LRP2: variants seen among roughly 807,000 people sequenced by gnomAD.
LRP2 encodes LDL receptor related protein 2.
LRP2 carries 172 observed loss-of-function variants against 531.0 expected under a neutral mutation model. The observed-to-expected ratio is 0.32, with a 90% confidence interval of 0.29 to 0.37. The LOEUF is 0.37. LRP2 is among the 10% of genes least tolerant of loss of function. The pLI, the probability that LRP2 is intolerant of heterozygous loss-of-function variation, is 1.00. For missense variants in LRP2, 5,167 were observed against 5,868.3 expected (o/e 0.88, Z 3.90); for synonymous variants, 1,992 against 2,027.6 (o/e 0.98, Z 0.47).
chr2:169,211,409 C>T (rs1421697947), intron 37 of LRP2, among the ~76,000 whole-genome samples: 9 of 152,298 alleles, frequency 5.9e-5, no homozygotes, highest in Non-Finnish European at 7.3e-5. Context: ...GCACAAAGTG[C>T]TGCAAAAATA....
intron 28 of LRP2, 115 bp downstream of exon 28, chr2:169,236,988 G>T: frequency 1.2e-6 from 1 of 849,304 alleles, no homozygotes; most frequent in East Asian, 2.5e-5. Flanking sequence ...TTTAAACAAG[G>T]GATCATTTTA....
intron 70 of LRP2, among the ~76,000 whole-genome samples, chr2:169,143,094 C>A (rs1340018793): frequency 6.6e-6 from 1 of 152,170 alleles, no homozygotes; most frequent in African/African-American, 2.4e-5. Flanking sequence ...GGTTCACTGC[C>A]TAACCTCAAA....
At chr2:169,304,849 T>C (rs1405115774) in intron 4 of LRP2, among the ~76,000 whole-genome samples, 1 of 152,112 alleles carries the variant, frequency 6.6e-6, no homozygotes, top group Non-Finnish European at 1.5e-5. Flanking sequence ...ATAAAGAAAA[T>C]GTAGCATATA....
rs1416018320 is a variant in LRP2, at chr2:169,170,606, T to C, written c.11325A>G (p.Arg3775=). Residue 3775 remains arginine, a synonymous_variant, in exon 59 of 79, where the codon CGA becomes CGG. Coordinates refer to ENST00000649046, the MANE Select transcript of LRP2 (RefSeq NM_004525.3). ...RCVNQQCIPS[R]WICDHYNDCG... ...AGTCGTTGTAATGGTCACAGATCCA[T>C]CGCGAGGGAATGCACTGCTGATTGA... is the stretch of plus-strand genomic sequence containing the variant. 1.1e-5 allele frequency: 18 copies of C among 1,613,740 alleles called. No homozygotes were observed. The highest frequency in any genetic ancestry group is 1.3e-5 in the Non-Finnish European group (15 of 1,179,886).
intron 38 of LRP2, among the ~76,000 whole-genome samples, chr2:169,209,053 T>A (rs1036529084): frequency 6.6e-6 from 1 of 152,188 alleles, no homozygotes; most frequent in Non-Finnish European, 1.5e-5. Context: ...GCAACTAAAA[T>A]TGCTCAGCTT....
intron 74 of LRP2, 108 bp from the exon 75 acceptor site, chr2:169,138,814 T>G (rs1473588918): frequency 7.9e-7 from 1 of 1,259,158 alleles, no homozygotes; most frequent in African/African-American, 1.5e-5. Context: ...TGCCAAATCT[T>G]CCTCAAATGT....
chr2:169,170,478 A>T (rs1302922128), intron 59 of LRP2, 73 bp downstream of exon 59: 1 of 1,172,720 alleles, frequency 8.5e-7, no homozygotes, highest in Non-Finnish European at 1.3e-6. Flanking sequence ...TAAAAGCCTT[A>T]TAAACACTAA....
At chr2:169,240,086 G>A (rs1280124122) in intron 25 of LRP2, among the ~76,000 whole-genome samples, 1 of 151,008 alleles carries the variant, frequency 6.6e-6, no homozygotes, top group African/African-American at 2.4e-5. Flanking sequence ...GAAGAAAAGT[G>A]TCATTGATAG....
chr2:169,137,317 A>G, intron 76 of LRP2, 75 bp downstream of exon 76: 1 of 1,104,834 alleles, frequency 9.1e-7, no homozygotes, highest in African/African-American at 1.5e-5. Flanking sequence ...GGTTAGGAAA[A>G]TCCTAAGACA....
At chr2:169,358,241 A>G (rs1686044280) in intron 1 of LRP2, among the ~76,000 whole-genome samples, 1 of 152,212 alleles carries the variant, frequency 6.6e-6, no homozygotes, top group African/African-American at 2.4e-5. Flanking sequence ...CTGCAAATTT[A>G]TATCTTAGCT....
Position 169,246,816 on chromosome 2 carries a change from C to A in LRP2, c.3079G>T (p.Gly1027Cys), listed in dbSNP as rs1324515118. The A allele has an allele frequency of 6.2e-7, 1 of 1,614,002 alleles. No homozygotes were observed. Among genetic ancestry groups the A allele is most frequent in the Non-Finnish European group, 8.5e-7 (1 of 1,180,040 alleles). The change falls in exon 21 of 79, where the codon GGC (glycine) becomes TGC (cysteine). Residue 1027 changes from glycine (G) to cysteine (C), a missense_variant. Physicochemically the swap from Gly to Cys is radical, Grantham distance 159. Around this residue, in one of 6 missense-constraint regions of LRP2, gnomAD observed 2,811 missense variants for 3,058.0 expected, o/e 0.92. Transcript: ENST00000649046. ...TTTTTACAGGGGAAGGAAAATAAGC[C>A]ACACTGCTCTGTGGGTGGTTCATTG... ...PTNEPPTEQC[G>C]LFSFPCKNGR...
At chr2:169,140,806 T>C (rs955667098) in intron 71 of LRP2, among the ~76,000 whole-genome samples, 2 of 152,222 alleles carry the variant, frequency 1.3e-5, no homozygotes, top group Non-Finnish European at 2.9e-5. Context: ...GGAGCACATA[T>C]ATTAATAGTT....
intron 72 of LRP2, among the ~76,000 whole-genome samples, chr2:169,140,009 T>C (rs1685662191): frequency 6.6e-6 from 1 of 152,250 alleles, no homozygotes; most frequent in African/African-American, 2.4e-5. Flanking sequence ...CACAGTCATC[T>C]TCTTTCCGAA....
intron 4 of LRP2, among the ~76,000 whole-genome samples, chr2:169,300,065 A>G: frequency 6.6e-6 from 1 of 152,178 alleles, no homozygotes; most frequent in African/African-American, 2.4e-5. Flanking sequence ...AATTAAATTA[A>G]AAGGTAAACA....
intron 28 of LRP2, 73 bp downstream of exon 28, chr2:169,237,015 AACATGCATATCAGCT>A: frequency 8.8e-7 from 1 of 1,135,966 alleles, no homozygotes; most frequent in Non-Finnish European, 1.3e-6. Context: ...GCATATCAGC[AACATGCATATCAGCT>A]ACATCATGTT....
intron 1 of LRP2, among the ~76,000 whole-genome samples, chr2:169,357,052 T>TA (rs1365113940): frequency 1.3e-5 from 2 of 152,148 alleles, no homozygotes; most frequent in Non-Finnish European, 2.9e-5. Context: ...ACAATAGTGG[T>TA]AAAAATTTTT....
At chr2:169,140,690 C>A (rs1164600150) in intron 71 of LRP2, 145 bp from the exon 72 acceptor site, 4 of 637,088 alleles carry the variant, frequency 6.3e-6, no homozygotes, top group Non-Finnish European at 1.1e-5. Flanking sequence ...CCCCCTAAGT[C>A]CAGTGAGTTT....
chr2:169,142,678 A>G lies in LRP2; in HGVS notation c.13104T>C (p.Asp4368=), dbSNP rs1574067325. 6.2e-7 allele frequency: 1 copy of G among 1,613,850 alleles called. No individual in the cohort carries two copies. The highest frequency in any genetic ancestry group is 1.3e-5 in the African/African-American group (1 of 74,928). ...CTGCTTGGGCAGTGCTCCTACCTGC[A>G]TCACACTCAGTGGTGCTCCCCTCTA... ...SFIEGSTTEC[D]AAIELPINLP... is the part of the protein sequence containing the mutation. Residue 4368 remains aspartate, a synonymous_variant, in exon 71 of 79, where the codon GAT becomes GAC. Transcript: ENST00000649046.
chr2:169,168,482 A>C lies in LRP2; in HGVS notation c.11635+57T>G, dbSNP rs114554796. On this transcript the variant is annotated intron_variant, in intron 61 of 78. Transcript: ENST00000649046. ...CAGGCTCACATGCTACACGTAAGAA[A>C]CAATGAGATTTGACAGACAACACCA... 1.1e-3 allele frequency: 1,832 copies of C among 1,606,616 alleles called. 19 individuals are homozygous for C. In the African/African-American group the frequency reaches 0.022, roughly 20 times the overall value.
Sources: gnomAD v4.1 joint callset for allele counts (sites outside exome capture counted in the v4.1 genomes callset) on GRCh38, gnomAD v4.1.1 for gene constraint, gnomAD v4.1.1 regional missense constraint, MANE v1.5 for transcripts, NCBI Gene and HGNC (gene_info 2026-07-23, HGNC 2026-07-21) for gene names.